The following FHIT variants were observed in gnomAD, a reference collection of about 807,000 sequenced individuals.
FHIT encodes the protein fragile histidine triad diadenosine triphosphatase.
A neutral mutation model predicts 17.9 loss-of-function variants in FHIT; 19 were observed. The observed-to-expected ratio is 1.06, with a 90% CI of 0.74 to 1.56. The LOEUF (loss-of-function observed/expected upper bound fraction) is 1.56, where lower values mean the gene tolerates loss of function less well. Among genes scored for constraint, FHIT ranks in the 40% most tolerant of loss-of-function variants. The pLI, the probability that FHIT is intolerant of heterozygous loss-of-function variation, is 0.00. For missense variants in FHIT, 248 were observed against 189.2 expected, an observed-to-expected ratio of 1.31 and a Z score of -1.82; for synonymous variants, 81 against 69.7, an observed-to-expected ratio of 1.16 and a Z score of -0.81.
intron 4 of FHIT, among the ~76,000 whole-genome samples, chr3:60,687,913 G>T (rs2040895101): frequency 6.6e-6 from 1 of 151,756 alleles, no homozygotes; most frequent in Non-Finnish European, 1.5e-5. Flanking sequence ...CTTCTTGATT[G>T]CATTTAATAT....
intron 5 of FHIT, among the ~76,000 whole-genome samples, chr3:60,322,126 C>T (rs985090944): frequency 2.6e-5 from 4 of 152,142 alleles, no homozygotes; most frequent in African/African-American, 7.2e-5. Context: ...ATAGAAATAC[C>T]GTGGGCCCAA....
At chr3:60,771,820 T>G (rs531745560) in intron 4 of FHIT, among the ~76,000 whole-genome samples, 1 of 152,330 alleles carries the variant, frequency 6.6e-6, no homozygotes, top group South Asian at 2.1e-4. Flanking sequence ...GATTTATTTC[T>G]TATGCAAAAT....
At chr3:60,900,865 C>T (rs1355837025) in intron 3 of FHIT, among the ~76,000 whole-genome samples, 2 of 152,174 alleles carry the variant, frequency 1.3e-5, no homozygotes, top group African/African-American at 4.8e-5. Flanking sequence ...ACAACCTCCA[C>T]CTCCTGGGTT....
chr3:60,425,306 G>T (rs1300508204), intron 5 of FHIT, among the ~76,000 whole-genome samples: 2 of 152,074 alleles, frequency 1.3e-5, no homozygotes, highest in African/African-American at 4.8e-5. Flanking sequence ...TCTTTACAAA[G>T]ACAAAAATTA....
At chr3:61,024,723 G>A (rs898930306) in intron 3 of FHIT, among the ~76,000 whole-genome samples, 52 of 152,132 alleles carry the variant, frequency 3.4e-4, no homozygotes, top group African/African-American at 1.2e-3. Context: ...AAAAGACAAC[G>A]CATTTTATGA....
intron 5 of FHIT, among the ~76,000 whole-genome samples, chr3:60,463,724 A>C (rs1393298321): frequency 6.6e-6 from 1 of 152,192 alleles, no homozygotes; most frequent in South Asian, 2.1e-4. Flanking sequence ...CAATCAAAAA[A>C]ACTTAGACCA....
At chr3:60,526,240 CA>C (rs2107577262) in intron 5 of FHIT, among the ~76,000 whole-genome samples, 1 of 152,210 alleles carries the variant, frequency 6.6e-6, no homozygotes, top group East Asian at 1.9e-4. Flanking sequence ...CGGTAGTCTG[CA>C]CTGGTGAATT....
At position 60,121,502 on chromosome 3, in the gene FHIT, A is replaced by G. The variant is rs150477329; in HGVS notation, c.104-107350T>C. ...GGAATTTGAGACCAGCTTGGCCAAC[A>G]TGGTGAGATCCCATCTCTACCAAAC... On this transcript the variant is annotated intron_variant, in intron 5 of 9. Coordinates refer to ENST00000492590, the MANE Select transcript of FHIT (RefSeq NM_002012.4). Among the ~76,000 whole-genome samples the G allele has an allele frequency of 9.7e-3, 1,479 of 152,130 alleles. 25 individuals carry two copies. Among genetic ancestry groups the G allele is most frequent in the African/African-American group, 0.034 (1,403 of 41,500 alleles).
At chr3:60,639,825 C>G (rs1397533539) in intron 4 of FHIT, among the ~76,000 whole-genome samples, 1 of 152,174 alleles carries the variant, frequency 6.6e-6, no homozygotes, top group African/African-American at 2.4e-5. Context: ...GAAATGAATA[C>G]ATGTCCACAC....
chr3:60,350,009 C>A (rs1711004596), intron 5 of FHIT, among the ~76,000 whole-genome samples: 1 of 152,080 alleles, frequency 6.6e-6, no homozygotes, highest in Admixed American at 6.6e-5. Context: ...TTTGATAAAA[C>A]AATAGAAGAC....
Position 59,830,274 on chromosome 3 carries a change from T to C in FHIT, c.349-77953A>G, listed in dbSNP as rs1469775067. Among the ~76,000 whole-genome samples, 11 of 152,304 alleles carry C rather than the reference T, an allele frequency of 7.2e-5. No homozygotes were observed. In the East Asian group the frequency reaches 1.3e-3, roughly 19 times the overall value. On this transcript the variant is annotated intron_variant, in intron 8 of 9. Coordinates refer to ENST00000492590, the MANE Select transcript of FHIT (RefSeq NM_002012.4). ...AATATTTATTTTTGTACCTCCTCTA[T>C]TGGAGAAAATCTAGAAAATAAATTC...
At chr3:60,011,250 TC>T (rs1700125652) in intron 7 of FHIT, 120 bp downstream of exon 7, 2 of 862,928 alleles carry the variant, frequency 2.3e-6, no homozygotes, top group African/African-American at 3.3e-5. Context: ...ACACTGAGGG[TC>T]TCTCTGACCT....
In FHIT at chr3:60,122,218, TA is replaced by T. The variant is rs952296678; in HGVS notation, c.104-108067del. On this transcript the variant is annotated intron_variant, in intron 5 of 9. Transcript: ENST00000492590. ...TAGAAAGAAGTGTTCAGCATTCTAA[TA>T]AAAACATTATATTAGTATAATGTTT... 2.7e-4 allele frequency among the ~76,000 whole-genome samples: 41 copies of T among 152,154 alleles called. 2 individuals are homozygous for T. The highest frequency in any genetic ancestry group is 7.9e-4 in the Admixed American group (12 of 15,284).
At chr3:60,740,469 A>G (rs2042219506) in intron 4 of FHIT, among the ~76,000 whole-genome samples, 1 of 152,238 alleles carries the variant, frequency 6.6e-6, no homozygotes, top group Non-Finnish European at 1.5e-5. Context: ...AAATTGTAAG[A>G]ACAATAGCTG....
chr3:59,881,517 A>G (rs1703409749), intron 8 of FHIT, among the ~76,000 whole-genome samples: 1 of 152,134 alleles, frequency 6.6e-6, no homozygotes, highest in African/African-American at 2.4e-5. Flanking sequence ...TTCTAATAGA[A>G]CCCTGAGGAA....
intron 5 of FHIT, among the ~76,000 whole-genome samples, chr3:60,520,133 G>T (rs2035304924): frequency 6.6e-6 from 1 of 152,058 alleles, no homozygotes; most frequent in Non-Finnish European, 1.5e-5. Context: ...CCTACGTTTC[G>T]ATAAATTTTA....
In FHIT at chr3:60,267,067, G is replaced by A. The variant is rs991439255; in HGVS notation, c.104-252915C>T. 7.2e-5 allele frequency among the ~76,000 whole-genome samples: 11 copies of A among 152,038 alleles called. No individual in the cohort carries two copies. The East Asian group carries it at 9.6e-4, about 13-fold the overall frequency. ...AATTACATTGAGATAAGGGACAGAA[G>A]AAGAGCGTGTGCAATAGAAGTGAAG... On this transcript the variant is annotated intron_variant, in intron 5 of 9. Coordinates refer to ENST00000492590, the MANE Select transcript of FHIT (RefSeq NM_002012.4).
intron 7 of FHIT, 62 bp from the exon 8 acceptor site, chr3:59,922,476 A>G (rs1705456969): frequency 7.2e-7 from 1 of 1,398,392 alleles, no homozygotes; most frequent in African/African-American, 1.4e-5. Flanking sequence ...TAGACTTGAC[A>G]GTGATGCTCT....
At chr3:60,735,036 TTACCTTTAA>T (rs2042107154) in intron 4 of FHIT, among the ~76,000 whole-genome samples, 1 of 152,142 alleles carries the variant, frequency 6.6e-6, no homozygotes, top group African/African-American at 2.4e-5. Flanking sequence ...GAAAAGCCAA[TTACCTTTAA>T]CTATAAGAAA....
Sources: gnomAD v4.1 joint callset for allele counts (sites outside exome capture counted in the v4.1 genomes callset) on GRCh38, gnomAD v4.1.1 for gene constraint, MANE v1.5 for transcripts, NCBI Gene and HGNC (gene_info 2026-07-23, HGNC 2026-07-21) for gene names.